Variants in PTPRM observed in about 807,000 individuals in gnomAD.
PTPRM encodes protein tyrosine phosphatase receptor type M, also known as receptor-type tyrosine-protein phosphatase mu.
PTPRM carries 47 observed loss-of-function variants against 186.7 expected under a neutral mutation model. The ratio of observed to expected loss-of-function variants is 0.25; its 90% CI spans 0.20 to 0.32. The LOEUF (loss-of-function observed/expected upper bound fraction) is 0.32. Ranked by LOEUF, PTPRM falls within the 10% of genes least tolerant of loss-of-function variation. The pLI is 1.00. For synonymous variants in PTPRM, 668 were observed against 674.9 expected, an observed-to-expected ratio of 0.99 and a Z score of 0.16; for missense variants, 1,494 against 1,865.0, an observed-to-expected ratio of 0.80 and a Z score of 3.66.
At chr18:8,069,410 TAAGAACACC>T (rs2089318903) in intron 7 of PTPRM, among the ~76,000 whole-genome samples, 1 of 152,222 alleles carries the variant, frequency 6.6e-6, no homozygotes, top group Non-Finnish European at 1.5e-5. Flanking sequence ...CCCTGCCTTT[TAAGAACACC>T]TCTCAGAAAC....
chr18:7,826,656 C>T (rs2045499202), intron 2 of PTPRM, among the ~76,000 whole-genome samples: 1 of 152,168 alleles, frequency 6.6e-6, no homozygotes, highest in South Asian at 2.1e-4. Flanking sequence ...ATGAAAGTAC[C>T]ATTTGTTCAT....
chr18:8,081,463 C>T (rs1178610233), intron 9 of PTPRM, among the ~76,000 whole-genome samples: 3 of 152,212 alleles, frequency 2.0e-5, no homozygotes, highest in Non-Finnish European at 4.4e-5. Flanking sequence ...CAGAAGCTTC[C>T]AGACTTCCTT....
intron 7 of PTPRM, among the ~76,000 whole-genome samples, chr18:8,049,740 C>G (rs2087336625): frequency 2.0e-5 from 3 of 147,250 alleles, no homozygotes; most frequent in Non-Finnish European, 4.5e-5. Flanking sequence ...GAGATGAAAT[C>G]TTGCACTGTC....
At chr18:7,742,192 TA>T (rs1434887801) in intron 1 of PTPRM, among the ~76,000 whole-genome samples, 1 of 152,222 alleles carries the variant, frequency 6.6e-6, no homozygotes, top group African/African-American at 2.4e-5. Flanking sequence ...TTCCTATTTT[TA>T]AGGCATTATA....
At chr18:7,921,442 G>A (rs1399404004) in intron 4 of PTPRM, among the ~76,000 whole-genome samples, 4 of 150,012 alleles carry the variant, frequency 2.7e-5, no homozygotes, top group East Asian at 3.9e-4. Context: ...GTGCAGTGGC[G>A]CAACCTTGGC....
intron 23 of PTPRM, among the ~76,000 whole-genome samples, chr18:8,351,253 C>A (rs965650603): frequency 3.9e-5 from 6 of 152,158 alleles, no homozygotes; most frequent in African/African-American, 1.4e-4. Context: ...ATATTCTGTC[C>A]TTTAGTATAA....
At position 8,384,596 on chromosome 18, in the gene PTPRM, C is replaced by T; in HGVS notation, c.3954C>T (p.His1318=). 1.9e-6 allele frequency: 3 copies of T among 1,614,164 alleles called. No homozygotes were observed. The highest frequency in any genetic ancestry group is 1.1e-5 in the South Asian group (1 of 91,080). Residue 1318 remains histidine (H), a synonymous_variant, in exon 30 of 33, where the codon CAC becomes CAT. Coordinates refer to ENST00000580170, the MANE Select transcript of PTPRM (RefSeq NM_001105244.2). ...CPQYWPENGV[H]RHGPIQVEFV... is the part of the protein sequence containing the mutation. ...AGTACTGGCCAGAAAACGGAGTACA[C>T]AGACACGGCCCCATCCAGGTGGAAT...
At chr18:7,710,779 A>G (rs139054288) in intron 1 of PTPRM, among the ~76,000 whole-genome samples, 222 of 152,252 alleles carry the variant, frequency 1.5e-3, no homozygotes, top group African/African-American at 5.0e-3. Flanking sequence ...AACATCAAGA[A>G]CTCAATCCCT....
chr18:8,206,142 T>C (rs764354387), intron 14 of PTPRM, among the ~76,000 whole-genome samples: 36 of 152,146 alleles, frequency 2.4e-4, no homozygotes, highest in Non-Finnish European at 4.1e-4. Flanking sequence ...AATGTGAAGA[T>C]GCACCAAGAA....
chr18:8,021,581 C>T (rs1468465861), intron 7 of PTPRM, among the ~76,000 whole-genome samples: 3 of 152,074 alleles, frequency 2.0e-5, no homozygotes, highest in African/African-American at 7.2e-5. Context: ...CATGTGTTGT[C>T]ATTGTTCAAC....
intron 1 of PTPRM, among the ~76,000 whole-genome samples, chr18:7,701,642 G>A (rs1235814446): frequency 6.6e-6 from 1 of 151,382 alleles, no homozygotes; most frequent in East Asian, 1.9e-4. Flanking sequence ...GAGAGAAGGA[G>A]ACTATTATGA....
intron 2 of PTPRM, among the ~76,000 whole-genome samples, chr18:7,842,352 A>G (rs530645342): frequency 6.6e-6 from 1 of 152,154 alleles, no homozygotes; most frequent in African/African-American, 2.4e-5. Flanking sequence ...CTAAGCATCT[A>G]TGGGCGTTAA....
rs184791122 is a variant in PTPRM at position 7,802,654 on chromosome 18, G to A, written c.196+28383G>A. The stretch of plus-strand genomic sequence containing the variant: ...TTTGGAAAGACTCCTAGATAAATCT[G>A]AACAAGCGATTATGTCACTTTGGAA... On this transcript the variant is annotated intron_variant, in intron 2 of 32. Transcript: ENST00000580170. Among the ~76,000 whole-genome samples the A allele has an allele frequency of 3.2e-4, 49 of 152,280 alleles. No individual in the cohort carries two copies. In the East Asian group the frequency reaches 9.1e-3, roughly 28 times the overall value.
At chr18:7,840,317 T>C (rs1822456) in intron 2 of PTPRM, among the ~76,000 whole-genome samples, 100,237 of 151,994 alleles carry the variant, frequency 0.66, 33,577 homozygotes, top group East Asian at 0.96. Context: ...TTAAATTTTA[T>C]TCTAGATATT....
intron 8 of PTPRM, 135 bp downstream of exon 8, chr18:8,070,129 C>G (rs956172406): frequency 1.3e-5 from 10 of 784,310 alleles, no homozygotes; most frequent in African/African-American, 8.8e-5. Context: ...TATCTGTACT[C>G]TGTATTCTTA....
Position 8,378,303 on chromosome 18 carries a change from C to T in PTPRM, c.3501C>T (p.Ala1167=). The change falls in exon 27 of 33, where the codon GCC becomes GCT. Residue 1167 remains alanine (A), a synonymous_variant. Coordinates refer to ENST00000580170, the MANE Select transcript of PTPRM (RefSeq NM_001105244.2). Reference sequence around the variant, plus strand: ...TTATCCACGATGCGATCCTGGAAGCCTGTCTTTGTGGGGACACCTCTGTGC... The same window carrying T: ...TTATCCACGATGCGATCCTGGAAGCTTGTCTTTGTGGGGACACCTCTGTGC... The part of the protein sequence containing the change: ...YVFIHDAILE[A]CLCGDTSVPA... 6.2e-7 allele frequency: 1 copy of T among 1,613,056 alleles called. No homozygotes were observed. The highest frequency in any genetic ancestry group is 8.5e-7 in the Non-Finnish European group (1 of 1,178,984).
chr18:8,171,578 G>A (rs1227608849), intron 14 of PTPRM, among the ~76,000 whole-genome samples: 1 of 152,162 alleles, frequency 6.6e-6, no homozygotes, highest in Non-Finnish European at 1.5e-5. Context: ...AAATGTGTTT[G>A]TTTCTATGTC....
chr18:7,858,447 A>T (rs2047193361), intron 2 of PTPRM, among the ~76,000 whole-genome samples: 1 of 152,054 alleles, frequency 6.6e-6, no homozygotes, highest in Non-Finnish European at 1.5e-5. Context: ...AGTCCTAGCT[A>T]TTCTGGAGGC....
At chr18:8,327,578 GATGTGCCAC>G (rs2095385529) in intron 22 of PTPRM, among the ~76,000 whole-genome samples, 8 of 152,296 alleles carry the variant, frequency 5.3e-5, no homozygotes, top group Admixed American at 4.6e-4. Flanking sequence ...TGGGACTTAC[GATGTGCCAC>G]GCACCACTTA....
Sources: allele counts gnomAD v4.1 joint callset (sites outside exome capture counted in the v4.1 genomes callset), GRCh38; gene constraint gnomAD v4.1.1; transcripts MANE v1.5; gene names NCBI Gene and HGNC (gene_info 2026-07-23, HGNC 2026-07-21).